The following PNMA2 variants were observed in gnomAD, a reference collection of about 807,000 sequenced individuals.
The protein encoded by PNMA2 is PNMA family member 2.
For synonymous variants in PNMA2, 175 were observed against 183.5 expected, an observed-to-expected ratio of 0.95 and a Z score of 0.38; for missense variants, 455 against 452.9, an observed-to-expected ratio of 1.00 and a Z score of -0.04.
chr8:26,512,689 T>G (rs1808181996), intron 1 of PNMA2: 2 of 152,262 alleles, frequency 1.3e-5, no homozygotes, highest in South Asian at 4.1e-4. Context: ...ATTTTGCCAC[T>G]GTGGAAAGAG....
rs1328193015 is a variant in PNMA2 at position 26,508,486 on chromosome 8, C to T, written c.270G>A (p.Lys90=). 6.2e-7 allele frequency: 1 copy of T among 1,614,098 alleles called. No homozygotes were observed. Residue 90 remains lysine (K), a synonymous_variant, in exon 3 of 3, where the codon AAG becomes AAA. Transcript: ENST00000522362. The surrounding 1 kb of genome is among the most constrained non-coding windows in gnomAD (Gnocchi z 5.5). ...SEVQGKGGVW[K]VIFKTPNQDT... is the part of the protein sequence containing the mutation. ...CCTGATTAGGGGTCTTAAAGATCACCTTCCAGACACCCCCCTTTCCCTGGA... is the reference window on the plus strand; with the variant it reads ...CCTGATTAGGGGTCTTAAAGATCACTTTCCAGACACCCCCCTTTCCCTGGA...
chr8:26,508,665 C>G lies in PNMA2; in HGVS notation c.91G>C (p.Glu31Gln), dbSNP rs1192086018. The change falls in exon 3 of 3, where the codon GAG becomes CAG. Residue 31 changes from glutamate (E) to glutamine (Q), a missense_variant. By Grantham distance (29) the Glu-to-Gln change is conservative. Coordinates refer to ENST00000522362, the MANE Select transcript of PNMA2 (RefSeq NM_007257.6). The surrounding 1 kb of genome is among the most constrained non-coding windows in gnomAD (Gnocchi z 5.5). ...LMVTGIPADF[E>Q]EAEIQEVLQE... Reference sequence around the variant, plus strand: ...AGGACCTCCTGAATCTCAGCCTCCTCAAAGTCCGCCGGTATCCCCGTAACC... The same window carrying G: ...AGGACCTCCTGAATCTCAGCCTCCTGAAAGTCCGCCGGTATCCCCGTAACC... 3.1e-6 allele frequency: 5 copies of G among 1,614,090 alleles called. No individual in the cohort carries two copies. Among genetic ancestry groups the G allele is most frequent in the South Asian group, 1.1e-5 (1 of 91,092 alleles).
intron 1 of PNMA2, among the ~76,000 whole-genome samples, chr8:26,513,409 C>T (rs1404509103): frequency 6.8e-6 from 1 of 146,120 alleles, no homozygotes; most frequent in East Asian, 2.1e-4. Context: ...ACTCCCCCGT[C>T]ACCCCAACCA....
rs1229962083 is a variant in PNMA2 at position 26,506,775 on chromosome 8, A to AT, written c.*885dup. On this transcript the variant is annotated 3_prime_UTR_variant, in exon 3 of 3. Transcript: ENST00000522362. This position sits in a 1 kb window ranked among gnomAD's most constrained non-coding sequence, Gnocchi z 4.4. ...TGGAACCTCTCTGAGGGCAGGGCCC[A>AT]TTTTGTAGGTTTATAACTGCTCAAC... is the stretch of plus-strand genomic sequence containing the variant. 1 of 152,220 alleles carries AT rather than the reference A, an allele frequency of 6.6e-6. No homozygotes were observed. Among genetic ancestry groups the AT allele is most frequent in the African/African-American group, 2.4e-5 (1 of 41,456 alleles). The allele number at this position is 152,220 out of a possible 1,614,324, so 9.4% of individuals were successfully genotyped here.
rs907285233 is a variant in PNMA2 at position 26,509,777 on chromosome 8, A to G, written c.-618-100T>C. On this transcript the variant is annotated intron_variant, in intron 1 of 2. Coordinates refer to ENST00000522362, the MANE Select transcript of PNMA2 (RefSeq NM_007257.6). The surrounding 1 kb of genome is among the most constrained non-coding windows in gnomAD (Gnocchi z 5.7). ...TTCAAAAATATGATAATCCTTCACAATACTACTCAATATTAAGTTGCTTTA... is the reference window on the plus strand; with the variant it reads ...TTCAAAAATATGATAATCCTTCACAGTACTACTCAATATTAAGTTGCTTTA... 1.3e-5 allele frequency: 2 copies of G among 152,232 alleles called. No individual in the cohort carries two copies. The highest frequency in any genetic ancestry group is 2.9e-5 in the Non-Finnish European group (2 of 68,042). 9.4% of individuals were successfully genotyped at this position (152,232 alleles called of 1,614,324 possible). A position where few individuals can be genotyped will look rare whatever the true frequency, so the allele number is the denominator to read the frequency against.
Position 26,508,902 on chromosome 8 carries a change from G to A in PNMA2, c.-147C>T, listed in dbSNP as rs1808100629. On this transcript the variant is annotated 5_prime_UTR_variant, in exon 3 of 3. Transcript: ENST00000522362. The surrounding 1 kb of genome is among the most constrained non-coding windows in gnomAD (Gnocchi z 5.5). Reference sequence around the variant, plus strand: ...TGGGTCCCAGACTAGGTCACTCAAAGACAGTCACAAAGTTTTCTGGACAAA... The same window carrying A: ...TGGGTCCCAGACTAGGTCACTCAAAAACAGTCACAAAGTTTTCTGGACAAA... 1 of 1,487,468 alleles carries A rather than the reference G, an allele frequency of 6.7e-7. No homozygotes were observed. The highest frequency in any genetic ancestry group is 8.9e-7 in the Non-Finnish European group (1 of 1,120,778). 92.1% of individuals were successfully genotyped at this position (1,487,468 alleles called of 1,614,324 possible).
intron 1 of PNMA2, chr8:26,512,990 G>A (rs1355943479): frequency 6.6e-6 from 1 of 152,258 alleles, no homozygotes; most frequent in Non-Finnish European, 1.5e-5. Flanking sequence ...CGTGGCATCT[G>A]GTAACCCGGG....
chr8:26,508,217 G>GA lies in PNMA2; in HGVS notation c.538dup (p.Ser180PhefsTer3). The GA allele has an allele frequency of 6.2e-7, 1 of 1,609,548 alleles. No individual in the cohort carries two copies. On this transcript the variant is annotated frameshift_variant, in exon 3 of 3. Transcript: ENST00000522362. LOFTEE classifies it high-confidence loss of function. This position sits in a 1 kb window ranked among gnomAD's most constrained non-coding sequence, Gnocchi z 5.5. ...GGCCTGTTCCAACCAGACCTCAAAG[G>GA]ACTCTTCCTCTGGGGCTGGGACAGC...
Position 26,508,079 on chromosome 8 carries a change from G to T in PNMA2, c.677C>A (p.Pro226Gln). ...CAAACACTCTTCTACACTGATGGAC[G>T]GGTTGTCTGCCTGCACTATGTGCAT... ...DLMHIVQADN[P>Q]SISVEECLEA... Residue 226 changes from proline (P) to glutamine (Q), a missense_variant, in exon 3 of 3, where the codon CCG (proline) becomes CAG (glutamine). By Grantham distance (76) the Pro-to-Gln change is moderately conservative. Coordinates refer to ENST00000522362, the MANE Select transcript of PNMA2 (RefSeq NM_007257.6). This position sits in a 1 kb window ranked among gnomAD's most constrained non-coding sequence, Gnocchi z 5.5. 1.9e-6 allele frequency: 3 copies of T among 1,614,222 alleles called. No individual in the cohort carries two copies. Among genetic ancestry groups the T allele is most frequent in the Non-Finnish European group, 2.5e-6 (3 of 1,180,040 alleles).
rs1206744208 is a variant in PNMA2, at chr8:26,506,306, A to G, written c.*1355T>C. On this transcript the variant is annotated 3_prime_UTR_variant, in exon 3 of 3. Transcript: ENST00000522362. The surrounding 1 kb of genome is among the most constrained non-coding windows in gnomAD (Gnocchi z 4.4). ...AACACTTTGCACACAGTAGGCCCTC[A>G]ATAAATGTGAGTTCCTTTTCTCTCC... 6.6e-6 allele frequency: 1 copy of G among 152,248 alleles called. No individual in the cohort carries two copies. Among genetic ancestry groups the G allele is most frequent in the Non-Finnish European group, 1.5e-5 (1 of 68,078 alleles). The allele number at this position is 152,248 out of a possible 1,614,324, so 9.4% of individuals were successfully genotyped here.
At chr8:26,513,114 C>CTCT (rs1407156934) in intron 1 of PNMA2, 8 of 125,068 alleles carry the variant, frequency 6.4e-5, no homozygotes, top group African/African-American at 2.2e-4. Flanking sequence ...TTTTTTCTCT[C>CTCT]TTTTTTTTTT....
rs1349752428 is a variant in PNMA2, at chr8:26,507,564, T to C, written c.*97A>G. Reference sequence around the variant, plus strand: ...GGAAGGAAGGAAGGAAGGTCAATAATTGGCTTTCATGGTTTGATTTCAGTC... The same window carrying C: ...GGAAGGAAGGAAGGAAGGTCAATAACTGGCTTTCATGGTTTGATTTCAGTC... On this transcript the variant is annotated 3_prime_UTR_variant, in exon 3 of 3. Transcript: ENST00000522362. 4.7e-6 allele frequency: 5 copies of C among 1,062,038 alleles called. No individual in the cohort carries two copies. The highest frequency in any genetic ancestry group is 5.3e-6 in the Non-Finnish European group (4 of 751,320). 65.8% of individuals were successfully genotyped at this position (1,062,038 alleles called of 1,614,324 possible). A position where few individuals can be genotyped will look rare whatever the true frequency, so the allele number is the denominator to read the frequency against.
chr8:26,510,333 C>A lies in PNMA2; in HGVS notation c.-618-656G>T, dbSNP rs182114849. On this transcript the variant is annotated intron_variant, in intron 1 of 2. Coordinates refer to ENST00000522362, the MANE Select transcript of PNMA2 (RefSeq NM_007257.6). ...TCTTGTACAGCCTGCAGAACTGTGA[C>A]CCAAATAAACCTCTTTTCTTTATAA... 4.1e-3 allele frequency among the ~76,000 whole-genome samples: 618 copies of A among 152,296 alleles called. 2 individuals carry two copies. The highest frequency in any genetic ancestry group is 0.014 in the African/African-American group (562 of 41,550).
In PNMA2 at chr8:26,507,766, T is replaced by C; in HGVS notation, c.990A>G (p.Val330=). ...CCTCTTCCTCCTCTTCTTCCCGTAT[T>C]ACCTTCATTAGCTCAAGGAAGCTGG... ...PPPSFLELMK[V]IREEEEEEAS... is the part of the protein sequence containing the mutation. Residue 330 remains valine, a synonymous_variant, in exon 3 of 3, where the codon GTA becomes GTG. Coordinates refer to ENST00000522362, the MANE Select transcript of PNMA2 (RefSeq NM_007257.6). 1 of 1,613,478 alleles carries C rather than the reference T, an allele frequency of 6.2e-7. No individual in the cohort carries two copies. The highest frequency in any genetic ancestry group is 8.5e-7 in the Non-Finnish European group (1 of 1,179,784).
chr8:26,511,080 A>T (rs374415675), intron 1 of PNMA2, among the ~76,000 whole-genome samples: 1 of 151,218 alleles, frequency 6.6e-6, no homozygotes, highest in African/African-American at 2.4e-5. Flanking sequence ...TAAACCTGGG[A>T]GACGGAAGTT....
chr8:26,508,847 G>A lies in PNMA2; in HGVS notation c.-92C>T, dbSNP rs1214493895. 15 of 1,522,748 alleles carry A rather than the reference G, an allele frequency of 9.9e-6. No homozygotes were observed. The highest frequency in any genetic ancestry group is 1.4e-5 in the African/African-American group (1 of 71,880). 94.3% of individuals were successfully genotyped at this position (1,522,748 alleles called of 1,614,324 possible). A position where few individuals can be genotyped will look rare whatever the true frequency, so the allele number is the denominator to read the frequency against. On this transcript the variant is annotated 5_prime_UTR_variant, in exon 3 of 3. Coordinates refer to ENST00000522362, the MANE Select transcript of PNMA2 (RefSeq NM_007257.6). The surrounding 1 kb of genome is among the most constrained non-coding windows in gnomAD (Gnocchi z 5.5). ...ACTTAATATTGAAAATATCCTGGAT[G>A]AGCTTCTAACCTTAGAACCCACCAA...
intron 1 of PNMA2, among the ~76,000 whole-genome samples, chr8:26,511,356 G>A (rs1808150850): frequency 6.6e-6 from 1 of 152,134 alleles, no homozygotes; most frequent in African/African-American, 2.4e-5. Context: ...GGGAAGTGCT[G>A]AAGGCACCAG....
Position 26,509,897 on chromosome 8 carries a change from G to A in PNMA2, c.-618-220C>T, listed in dbSNP as rs912695174. On this transcript the variant is annotated intron_variant, in intron 1 of 2. Transcript: ENST00000522362. The surrounding 1 kb of genome is among the most constrained non-coding windows in gnomAD (Gnocchi z 5.7). The stretch of plus-strand genomic sequence containing the variant: ...ATTCAGGGAAAAAAATCTCAGGGCC[G>A]ACTAAGTTAAATCGGGAATTATGAA... Among the ~76,000 whole-genome samples, 2 of 152,308 alleles carry A rather than the reference G, an allele frequency of 1.3e-5. No homozygotes were observed. The highest frequency in any genetic ancestry group is 2.4e-5 in the African/African-American group (1 of 41,566).
In PNMA2 at chr8:26,507,897, G is replaced by GAGGGAT. The variant is rs1563367858; in HGVS notation, c.853_858dup (p.Ile285_Pro286dup). 1 of 1,614,156 alleles carries GAGGGAT rather than the reference G, an allele frequency of 6.2e-7. No homozygotes were observed. Among genetic ancestry groups the GAGGGAT allele is most frequent in the Non-Finnish European group, 8.5e-7 (1 of 1,180,044 alleles). Reference sequence around the variant, plus strand: ...AGGCGGACCTGGTCCGCAATACGCCGAGGGATGGCGCGTTTCTCCACCGCT... The same window carrying GAGGGAT: ...AGGCGGACCTGGTCCGCAATACGCCGAGGGATAGGGATGGCGCGTTTCTCCACCGCT... On this transcript the variant is annotated inframe_insertion, in exon 3 of 3. Transcript: ENST00000522362.
Sources: gnomAD v4.1 joint callset for allele counts (sites outside exome capture counted in the v4.1 genomes callset) on GRCh38, gnomAD v4.1.1 for gene constraint, Gnocchi (gnomAD v3.1) non-coding constraint, MANE v1.5 for transcripts, NCBI Gene and HGNC (gene_info 2026-07-23, HGNC 2026-07-21) for gene names.